The following NAV2 variants were observed in gnomAD, a reference collection of about 807,000 sequenced individuals.
The protein encoded by NAV2 is neuron navigator 2, also known as helicase, APC down-regulated 1.
In NAV2, 54 loss-of-function variants were observed where a neutral mutation model predicts 223.2. The ratio of observed to expected loss-of-function variants is 0.24; its 90% CI spans 0.19 to 0.30. The LOEUF is 0.30. Ranked by LOEUF, NAV2 falls within the 10% of genes least tolerant of loss-of-function variation. The pLI is 1.00. For synonymous variants in NAV2, 1,279 were observed against 1,239.3 expected (o/e 1.03, Z -0.67); for missense variants, 2,806 against 3,147.5 (o/e 0.89, Z 2.60).
intron 1 of NAV2, among the ~76,000 whole-genome samples, chr11:19,693,915 C>A (rs948294087): frequency 6.6e-6 from 1 of 152,032 alleles, no homozygotes; most frequent in Non-Finnish European, 1.5e-5. Context: ...ATCATTAGGC[C>A]GATGTATAGG....
At chr11:19,470,490 A>C (rs2041929525) in intron 1 of NAV2, among the ~76,000 whole-genome samples, 1 of 152,172 alleles carries the variant, frequency 6.6e-6, no homozygotes, top group Admixed American at 6.5e-5. Flanking sequence ...CTTCTTGCTG[A>C]ATTATCCCAT....
At position 19,433,408 on chromosome 11, in the gene NAV2, C is replaced by T. The variant is rs182871400; in HGVS notation, c.75+82381C>T. Among the ~76,000 whole-genome samples, 626 of 152,272 alleles carry T rather than the reference C, an allele frequency of 4.1e-3. 2 individuals carry two copies. Among genetic ancestry groups the T allele is most frequent in the Non-Finnish European group, 6.7e-3 (455 of 68,028 alleles). ...CAACAAGGTAAAGCCCAAGGTGCCC[C>T]GCAAGCATGAGATCCTTGGCTTTAT... is the stretch of plus-strand genomic sequence containing the variant. On this transcript the variant is annotated intron_variant, in intron 1 of 37. Coordinates refer to the NAV2 transcript ENST00000360655.
At chr11:19,392,647 C>T (rs917481521) in intron 1 of NAV2, among the ~76,000 whole-genome samples, 2 of 152,168 alleles carry the variant, frequency 1.3e-5, no homozygotes, top group African/African-American at 2.4e-5. Context: ...CATCACTTCT[C>T]CAGCATTCTG....
intron 6 of NAV2, among the ~76,000 whole-genome samples, chr11:19,917,880 G>C (rs547086239): frequency 6.6e-6 from 1 of 152,344 alleles, no homozygotes; most frequent in African/African-American, 2.4e-5. Flanking sequence ...GCCTCCAAAA[G>C]TGCTGGGATT....
chr11:19,366,150 G>A (rs915913542), intron 1 of NAV2, among the ~76,000 whole-genome samples: 2 of 152,190 alleles, frequency 1.3e-5, no homozygotes, highest in Non-Finnish European at 2.9e-5. Context: ...CCTCTCCCCT[G>A]AGCCAGCATG....
intron 11 of NAV2, among the ~76,000 whole-genome samples, chr11:20,001,267 G>C (rs1319702717): frequency 2.0e-5 from 3 of 152,164 alleles, no homozygotes; most frequent in South Asian, 2.1e-4. Context: ...GGCCTAGTAA[G>C]TCCCTTCCTC....
intron 1 of NAV2, among the ~76,000 whole-genome samples, chr11:19,725,061 A>G (rs1269973572): frequency 6.6e-6 from 1 of 152,238 alleles, no homozygotes; most frequent in African/African-American, 2.4e-5. Flanking sequence ...GAGGCAGATA[A>G]GATCACTGTT....
chr11:19,864,088 C>T (rs77076525), intron 3 of NAV2, among the ~76,000 whole-genome samples: 2,380 of 152,302 alleles, frequency 0.016, 36 homozygotes, highest in South Asian at 0.035. Flanking sequence ...TCTAAAGCTC[C>T]TACTGCCTAA....
chr11:19,586,819 G>A (rs1341652636), intron 1 of NAV2, among the ~76,000 whole-genome samples: 1 of 152,228 alleles, frequency 6.6e-6, no homozygotes, highest in Non-Finnish European at 1.5e-5. Context: ...AGGCTACTTG[G>A]GGGTCAGGGA....
At chr11:19,384,311 A>G (rs1848952893) in intron 1 of NAV2, among the ~76,000 whole-genome samples, 1 of 152,232 alleles carries the variant, frequency 6.6e-6, no homozygotes, top group African/African-American at 2.4e-5. Context: ...TGGTAAACAG[A>G]TATTACTTTG....
chr11:19,839,508 C>G (rs1276569611), intron 2 of NAV2, among the ~76,000 whole-genome samples: 1 of 152,176 alleles, frequency 6.6e-6, no homozygotes, highest in Non-Finnish European at 1.5e-5. Flanking sequence ...CTGAACACAA[C>G]CAGGAAATTC....
chr11:19,383,383 A>G (rs1381722028), intron 1 of NAV2, among the ~76,000 whole-genome samples: 1 of 152,166 alleles, frequency 6.6e-6, no homozygotes, highest in Non-Finnish European at 1.5e-5. Context: ...AAGCCCCTCA[A>G]TTTGCCCCCA....
intron 1 of NAV2, among the ~76,000 whole-genome samples, chr11:19,677,459 C>T (rs1590074798): frequency 6.6e-6 from 1 of 152,254 alleles, no homozygotes; most frequent in Non-Finnish European, 1.5e-5. Flanking sequence ...ATAATCAATG[C>T]ATCCCCTCAT....
In NAV2 at chr11:20,033,005, T is replaced by A. The variant is rs539416693; in HGVS notation, c.2769-2954T>A. On this transcript the variant is annotated intron_variant, in intron 11 of 37. Transcript: ENST00000349880. ...GTGACTAGGAGAGTATGTGCAAATG[T>A]TGAATAGTTTGGCATGTGGCACAGG... is the stretch of plus-strand genomic sequence containing the variant. Among the ~76,000 whole-genome samples, 61 of 152,316 alleles carry A rather than the reference T, an allele frequency of 4.0e-4. 1 individual carries two copies. Among genetic ancestry groups the A allele is most frequent in the South Asian group, 2.3e-3 (11 of 4,826 alleles).
intron 1 of NAV2, among the ~76,000 whole-genome samples, chr11:19,800,622 T>G (rs1033585792): frequency 6.6e-6 from 1 of 151,904 alleles, no homozygotes; most frequent in African/African-American, 2.4e-5. Context: ...TCCAACTTGA[T>G]AGCTTGGCGA....
intron 6 of NAV2, among the ~76,000 whole-genome samples, chr11:19,898,301 C>T (rs2042164967): frequency 6.6e-6 from 1 of 152,118 alleles, no homozygotes; most frequent in Admixed American, 6.5e-5. Flanking sequence ...CCCTACATAG[C>T]CCCACCTCCT....
At chr11:19,906,715 G>C (rs1357546022) in intron 6 of NAV2, among the ~76,000 whole-genome samples, 1 of 152,152 alleles carries the variant, frequency 6.6e-6, no homozygotes, top group African/African-American at 2.4e-5. Flanking sequence ...GCAGATGCTG[G>C]CAGGTCGGTG....
At chr11:19,368,336 C>A (rs1384687616) in intron 1 of NAV2, among the ~76,000 whole-genome samples, 1 of 152,144 alleles carries the variant, frequency 6.6e-6, no homozygotes, top group Admixed American at 6.5e-5. Flanking sequence ...TGGGTAGAAA[C>A]AAACAAGCAA....
intron 1 of NAV2, among the ~76,000 whole-genome samples, chr11:19,703,471 G>A (rs914379207): frequency 1.3e-5 from 2 of 152,352 alleles, no homozygotes; most frequent in African/African-American, 2.4e-5. Context: ...TCGCAGCTCA[G>A]TGCCTGGTGG....
Sources: allele counts gnomAD v4.1 joint callset (sites outside exome capture counted in the v4.1 genomes callset), GRCh38; gene constraint gnomAD v4.1.1; transcripts MANE v1.5; gene names NCBI Gene and HGNC (gene_info 2026-07-23, HGNC 2026-07-21).